The following GALNT13 variants were observed in gnomAD, a reference collection of about 807,000 sequenced individuals.
GALNT13 encodes polypeptide N-acetylgalactosaminyltransferase 13.
GALNT13 carries 28 observed loss-of-function variants against 64.2 expected under a neutral mutation model. The ratio of observed to expected loss-of-function variants is 0.44; its 90% CI spans 0.32 to 0.60. The LOEUF (loss-of-function observed/expected upper bound fraction) is 0.60. GALNT13 is among the 20% of genes least tolerant of loss of function. The pLI, the probability that GALNT13 is intolerant of heterozygous loss-of-function variation, is 0.05. For missense variants in GALNT13, 577 were observed against 669.8 expected, an observed-to-expected ratio of 0.86 and a Z score of 1.53; for synonymous variants, 214 against 224.6, an observed-to-expected ratio of 0.95 and a Z score of 0.42.
intron 4 of GALNT13, among the ~76,000 whole-genome samples, chr2:154,155,651 T>C (rs1476367374): frequency 1.3e-5 from 2 of 152,058 alleles, no homozygotes; most frequent in Non-Finnish European, 2.9e-5. Flanking sequence ...AGCATCTGTC[T>C]AAAAATTCTC....
intron 1 of GALNT13, among the ~76,000 whole-genome samples, chr2:153,881,347 A>AT (rs1686771766): frequency 1.3e-5 from 2 of 152,240 alleles, no homozygotes. Context: ...GTGATAAATA[A>AT]TTTTAACAAT....
chr2:154,201,028 T>C (rs1466477107), intron 4 of GALNT13, among the ~76,000 whole-genome samples: 1 of 152,176 alleles, frequency 6.6e-6, no homozygotes, highest in Admixed American at 6.6e-5. Context: ...AGTTCCTACA[T>C]TTGAAGTCTC....
the GALNT13 span, among the ~76,000 whole-genome samples, chr2:153,273,108 A>G: frequency 6.6e-6 from 1 of 152,118 alleles, no homozygotes; most frequent in African/African-American, 2.4e-5. Flanking sequence ...GGAGGGGAAC[A>G]ATACACACCG....
chr2:154,036,045 A>G (rs371080022), intron 3 of GALNT13, among the ~76,000 whole-genome samples: 32 of 152,124 alleles, frequency 2.1e-4, no homozygotes, highest in African/African-American at 7.2e-4. Flanking sequence ...ATAAGAGCTG[A>G]TTGGTTATTT....
the GALNT13 span, among the ~76,000 whole-genome samples, chr2:153,439,314 C>T: frequency 5.3e-5 from 8 of 152,270 alleles, no homozygotes; most frequent in African/African-American, 7.2e-5. Context: ...TCTCCAGCTG[C>T]GTGCTGGGAG....
chr2:153,302,999 T>C, the GALNT13 span, among the ~76,000 whole-genome samples: 1 of 152,194 alleles, frequency 6.6e-6, no homozygotes, highest in Non-Finnish European at 1.5e-5. Context: ...GCTTTGTTCT[T>C]GCAGAAGATT....
the GALNT13 span, among the ~76,000 whole-genome samples, chr2:153,448,438 T>C: frequency 1.3e-5 from 2 of 152,218 alleles, no homozygotes; most frequent in African/African-American, 4.8e-5. Context: ...ATTTATATAA[T>C]GCTCCAGTTA....
chr2:153,860,774 A>G, the GALNT13 span, among the ~76,000 whole-genome samples: 1 of 152,180 alleles, frequency 6.6e-6, no homozygotes, highest in East Asian at 1.9e-4. Flanking sequence ...CAACGTGACA[A>G]AAGTCCCTGG....
the GALNT13 span, among the ~76,000 whole-genome samples, chr2:153,517,546 G>C: frequency 6.6e-6 from 1 of 152,010 alleles, no homozygotes; most frequent in South Asian, 2.1e-4. Context: ...GCCAACACTG[G>C]AACAATTCGA....
At chr2:153,968,318 C>T (rs1693511408) in intron 3 of GALNT13, among the ~76,000 whole-genome samples, 1 of 152,184 alleles carries the variant, frequency 6.6e-6, no homozygotes, top group African/African-American at 2.4e-5. Context: ...CTGTGAGCAC[C>T]AGCAGAATTT....
chr2:153,135,792 G>A, the GALNT13 span, among the ~76,000 whole-genome samples: 1 of 151,946 alleles, frequency 6.6e-6, no homozygotes, highest in Admixed American at 6.6e-5. Flanking sequence ...TTTGGGGTAA[G>A]GAGACCAAGG....
chr2:154,427,180 T>C (rs1273127881), intron 11 of GALNT13, among the ~76,000 whole-genome samples: 2 of 152,200 alleles, frequency 1.3e-5, no homozygotes, highest in Non-Finnish European at 2.9e-5. Context: ...GCCATATATT[T>C]ATCCTTTTTC....
chr2:154,293,146 A>T (rs1258840616), intron 8 of GALNT13, among the ~76,000 whole-genome samples: 1 of 152,192 alleles, frequency 6.6e-6, no homozygotes, highest in Non-Finnish European at 1.5e-5. Flanking sequence ...TAATCTGTTG[A>T]AAGCCTAGAA....
chr2:154,352,757 T>C (rs1696483823), intron 9 of GALNT13, among the ~76,000 whole-genome samples: 1 of 152,186 alleles, frequency 6.6e-6, no homozygotes, highest in Non-Finnish European at 1.5e-5. Flanking sequence ...GTACTTTCAA[T>C]GTGCCTCCCA....
At chr2:153,720,036 A>G in the GALNT13 span, among the ~76,000 whole-genome samples, 1 of 149,732 alleles carries the variant, frequency 6.7e-6, no homozygotes, top group Admixed American at 6.6e-5. Context: ...AGACAGCAGT[A>G]ACCTCTGCAG....
At chr2:153,089,237 A>C in the GALNT13 span, among the ~76,000 whole-genome samples, 3 of 152,114 alleles carry the variant, frequency 2.0e-5, no homozygotes, top group Admixed American at 6.5e-5. Flanking sequence ...TATGAGGCTT[A>C]GTTTTTCTGA....
chr2:154,304,362 T>G (rs1223290465), intron 9 of GALNT13, among the ~76,000 whole-genome samples: 3 of 152,208 alleles, frequency 2.0e-5, no homozygotes, highest in Non-Finnish European at 4.4e-5. Context: ...CCTTTTCATT[T>G]TCTTTTGATG....
the GALNT13 span, among the ~76,000 whole-genome samples, chr2:153,642,675 A>G: frequency 1.3e-5 from 2 of 151,924 alleles, no homozygotes; most frequent in Non-Finnish European, 1.5e-5. Flanking sequence ...GCAGTTTGCA[A>G]TTTATTGATA....
the GALNT13 span, among the ~76,000 whole-genome samples, chr2:153,285,757 T>G: frequency 1.3e-5 from 2 of 152,052 alleles, no homozygotes; most frequent in Admixed American, 6.6e-5. Flanking sequence ...ATAATATTAT[T>G]TATAATTTTT....
Sources: allele counts gnomAD v4.1 joint callset (sites outside exome capture counted in the v4.1 genomes callset), GRCh38; gene constraint gnomAD v4.1.1; transcripts MANE v1.5; gene names NCBI Gene and HGNC (gene_info 2026-07-23, HGNC 2026-07-21).